The following ARHGEF10 variants were observed in gnomAD, a reference collection of about 807,000 sequenced individuals.
ARHGEF10 encodes Rho guanine nucleotide exchange factor 10.
A neutral mutation model predicts 147.4 loss-of-function variants in ARHGEF10; 140 were observed. The observed-to-expected ratio is 0.95, with a 90% confidence interval of 0.83 to 1.09. ARHGEF10 has a LOEUF of 1.09. Among genes scored for constraint, ARHGEF10 ranks in the 50% least tolerant of loss-of-function variants. The pLI, the probability that ARHGEF10 is intolerant of heterozygous loss-of-function variation, is 0.00. For missense variants in ARHGEF10, 2,222 were observed against 1,752.7 expected (o/e 1.27, Z -4.78); for synonymous variants, 902 against 695.8 (o/e 1.30, Z -4.67).
chr8:1,882,859 T>G, intron 10 of ARHGEF10, 110 bp downstream of exon 10: 2 of 933,608 alleles, frequency 2.1e-6, no homozygotes, highest in Non-Finnish European at 3.4e-6. Context: ...CCCACAGCCT[T>G]AGGGAGCACC....
intron 25 of ARHGEF10, among the ~76,000 whole-genome samples, chr8:1,932,487 G>A (rs1328526727): frequency 1.3e-5 from 2 of 150,850 alleles, no homozygotes; most frequent in Non-Finnish European, 3.0e-5. Flanking sequence ...ACATGTGCAC[G>A]TGTGTGTGTG....
rs1241268583 is a variant in ARHGEF10, at chr8:1,875,193, C to T, written c.680-1378C>T. On this transcript the variant is annotated intron_variant, in intron 7 of 28. Transcript: ENST00000349830. ...TGGGAGAGTGCAGACACACACGGGG[C>T]TGTGTCGGGGATAGAGGTTCTAAGA... Among the ~76,000 whole-genome samples the T allele has an allele frequency of 5.8e-5, 5 of 85,668 alleles. No homozygotes were observed. The South Asian group carries it at 1.7e-3, about 29-fold the overall frequency. 56.2% of individuals were successfully genotyped at this position (85,668 alleles called of 152,430 possible).
At chr8:1,889,952 G>C (rs1167174073) in intron 11 of ARHGEF10, among the ~76,000 whole-genome samples, 1 of 148,440 alleles carries the variant, frequency 6.7e-6, no homozygotes, top group African/African-American at 2.5e-5. Flanking sequence ...AGGAGACACT[G>C]AGTGGGGGAG....
Position 1,830,262 on chromosome 8 carries a change from T to C in ARHGEF10, c.-48+6149T>C, listed in dbSNP as rs9314441. ...GCAGGCGGCTCATTTCCCGTGGGGC[T>C]CAGGCGGCTCATTTCCCGTGGGGCC... On this transcript the variant is annotated intron_variant, in intron 1 of 28. Transcript: ENST00000349830. Among the ~76,000 whole-genome samples, 46 of 149,612 alleles carry C rather than the reference T, an allele frequency of 3.1e-4. 1 individual carries two copies. Among genetic ancestry groups the C allele is most frequent in the South Asian group, 2.0e-3 (9 of 4,566 alleles).
chr8:1,880,612 A>T (rs1808107891), intron 9 of ARHGEF10, among the ~76,000 whole-genome samples: 1 of 152,236 alleles, frequency 6.6e-6, no homozygotes, highest in Non-Finnish European at 1.5e-5. Context: ...ATTGATACAT[A>T]AAACCCTGGT....
At chr8:1,905,897 G>A (rs565763885) in intron 17 of ARHGEF10, among the ~76,000 whole-genome samples, 181 bp downstream of exon 17, 11 of 152,116 alleles carry the variant, frequency 7.2e-5, no homozygotes, top group Non-Finnish European at 1.5e-4. Context: ...TAGATTCAGT[G>A]TAAGTCACCA....
intron 2 of ARHGEF10, among the ~76,000 whole-genome samples, chr8:1,848,727 A>G (rs1293247392): frequency 6.6e-6 from 1 of 152,316 alleles, no homozygotes; most frequent in South Asian, 2.1e-4. Flanking sequence ...CCTCTGGGAG[A>G]TTAGTACTGT....
chr8:1,871,392 T>G (rs1311756271), intron 7 of ARHGEF10, among the ~76,000 whole-genome samples: 1 of 152,068 alleles, frequency 6.6e-6, no homozygotes, highest in Non-Finnish European at 1.5e-5. Context: ...TTAAAAATGA[T>G]ATACTACTCT....
At chr8:1,917,461 C>A (rs997229916) in intron 18 of ARHGEF10, among the ~76,000 whole-genome samples, 3 of 152,190 alleles carry the variant, frequency 2.0e-5, no homozygotes, top group Non-Finnish European at 4.4e-5. Flanking sequence ...ACCGAGCACA[C>A]CCCCAGGGGC....
intron 23 of ARHGEF10, among the ~76,000 whole-genome samples, chr8:1,927,685 C>T (rs1441180156): frequency 2.0e-5 from 3 of 152,084 alleles, no homozygotes; most frequent in Non-Finnish European, 2.9e-5. Context: ...GAGGCCGAGG[C>T]GGGTGGATCA....
Position 1,823,972 on chromosome 8 carries a change from G to C in ARHGEF10, c.-189G>C, listed in dbSNP as rs1253337368. ...AGCCGGCGGGCGCGCGATCCGGGAC[G>C]GACGGGGTCGCGGGGGACGCGGGGG... On this transcript the variant is annotated 5_prime_UTR_variant, in exon 1 of 29. Transcript: ENST00000349830. 10 of 141,628 alleles carry C rather than the reference G, an allele frequency of 7.1e-5. No homozygotes were observed. The highest frequency in any genetic ancestry group is 2.7e-4 in the African/African-American group (10 of 36,720). 8.8% of individuals were successfully genotyped at this position (141,628 alleles called of 1,614,324 possible).
intron 28 of ARHGEF10, among the ~76,000 whole-genome samples, chr8:1,956,402 A>G (rs1815568521): frequency 6.6e-6 from 1 of 152,230 alleles, no homozygotes; most frequent in African/African-American, 2.4e-5. Context: ...AATTTGGGAT[A>G]TTTCCATAGG....
chr8:1,944,170 C>T (rs1439520565), intron 26 of ARHGEF10, among the ~76,000 whole-genome samples: 2 of 151,292 alleles, frequency 1.3e-5, no homozygotes, highest in African/African-American at 4.9e-5. Context: ...GGGATCCCAG[C>T]TTCCCGCACC....
intron 28 of ARHGEF10, among the ~76,000 whole-genome samples, chr8:1,953,865 T>C (rs758265627): frequency 6.6e-6 from 1 of 152,172 alleles, no homozygotes; most frequent in African/African-American, 2.4e-5. Context: ...GAAAACGCTT[T>C]GCAGGAAGCT....
At chr8:1,883,883 C>A (rs1016433408) in intron 10 of ARHGEF10, among the ~76,000 whole-genome samples, 4 of 152,148 alleles carry the variant, frequency 2.6e-5, no homozygotes, top group Admixed American at 1.3e-4. Flanking sequence ...AGCAACCCCC[C>A]AACTGGAGCC....
chr8:1,940,666 A>G (rs1022126186), intron 26 of ARHGEF10, among the ~76,000 whole-genome samples: 1 of 152,224 alleles, frequency 6.6e-6, no homozygotes, highest in Non-Finnish European at 1.5e-5. Context: ...TACCAAAGAC[A>G]TGACAAGAAA....
intron 2 of ARHGEF10, among the ~76,000 whole-genome samples, chr8:1,844,861 G>A (rs1323154703): frequency 6.6e-6 from 1 of 152,140 alleles, no homozygotes. Context: ...GAGCCCAGGA[G>A]TTTGAGACCA....
intron 2 of ARHGEF10, among the ~76,000 whole-genome samples, chr8:1,855,028 G>C (rs1805445742): frequency 6.6e-6 from 1 of 152,106 alleles, no homozygotes; most frequent in Non-Finnish European, 1.5e-5. Context: ...CCTCAGGGCT[G>C]TTTCCTGCAC....
rs947070451 is a variant in ARHGEF10, at chr8:1,957,590, C to T, written c.*327C>T. ...AATACTAAATGTTAAACTTCATCAG[C>T]GTCAGACCTATTGTATCATATTAGA... On this transcript the variant is annotated 3_prime_UTR_variant, in exon 29 of 29. Coordinates refer to ENST00000349830, the MANE Select transcript of ARHGEF10 (RefSeq NM_014629.4). The T allele has an allele frequency of 7.7e-6, 3 of 391,868 alleles. No homozygotes were observed. Among genetic ancestry groups the T allele is most frequent in the African/African-American group, 2.0e-5 (1 of 49,058 alleles). The allele number at this position is 391,868 out of a possible 1,614,324, so 24.3% of individuals were successfully genotyped here.
Sources: gnomAD v4.1 joint callset for allele counts (sites outside exome capture counted in the v4.1 genomes callset) on GRCh38, gnomAD v4.1.1 for gene constraint, MANE v1.5 for transcripts, NCBI Gene and HGNC (gene_info 2026-07-23, HGNC 2026-07-21) for gene names.